Variants in DIP2C observed in about 807,000 individuals in gnomAD.
DIP2C encodes the protein disco-interacting protein 2 homolog C.
A neutral mutation model predicts 192.4 loss-of-function variants in DIP2C; 33 were observed. The ratio of observed to expected loss-of-function variants is 0.17; its 90% confidence interval spans 0.13 to 0.23. The LOEUF (loss-of-function observed/expected upper bound fraction) is 0.23, where lower values mean the gene tolerates loss of function less well. DIP2C is among the 10% of genes least tolerant of loss of function. The pLI, the probability that DIP2C is intolerant of heterozygous loss-of-function variation, is 1.00. For synonymous variants in DIP2C, 979 were observed against 864.1 expected, an observed-to-expected ratio of 1.13 and a Z score of -2.33; for missense variants, 1,537 against 2,110.1, an observed-to-expected ratio of 0.73 and a Z score of 5.32.
intron 1 of DIP2C, among the ~76,000 whole-genome samples, chr10:494,541 C>G (rs140265143): frequency 3.6e-4 from 55 of 152,232 alleles, no homozygotes; most frequent in African/African-American, 1.2e-3. Context: ...TACCAAGAGT[C>G]AAAGCAATCC....
At position 649,619 on chromosome 10, in the gene DIP2C, G is replaced by A. The variant is rs1404124635; in HGVS notation, c.85+39875C>T. The stretch of plus-strand genomic sequence containing the variant: ...ATTCTAAGACTCAGGGTTTTGTCAC[G>A]TTACAGCAAATGCCATTCATTGGGG... On this transcript the variant is annotated intron_variant, in intron 1 of 36. Transcript: ENST00000280886. Among the ~76,000 whole-genome samples the A allele has an allele frequency of 7.2e-5, 11 of 152,152 alleles. No homozygotes were observed. The East Asian group carries it at 7.7e-4, about 11-fold the overall frequency.
At chr10:629,706 G>A (rs962757202) in intron 1 of DIP2C, among the ~76,000 whole-genome samples, 1 of 152,224 alleles carries the variant, frequency 6.6e-6, no homozygotes, top group Non-Finnish European at 1.5e-5. Flanking sequence ...CGCTCTCAGG[G>A]TGGAGACCGC....
chr10:621,754 G>A (rs945076235), intron 1 of DIP2C, among the ~76,000 whole-genome samples: 2 of 152,296 alleles, frequency 1.3e-5, no homozygotes, highest in African/African-American at 2.4e-5. Flanking sequence ...ACAAAAGACG[G>A]CAGGAGCTCA....
At chr10:319,414 T>A (rs1204137261) in intron 31 of DIP2C, among the ~76,000 whole-genome samples, 1 of 152,244 alleles carries the variant, frequency 6.6e-6, no homozygotes, top group Non-Finnish European at 1.5e-5. Flanking sequence ...TGTTTATGTT[T>A]TTTTCCTAAT....
intron 29 of DIP2C, among the ~76,000 whole-genome samples, chr10:332,755 T>C (rs533072213): frequency 2.8e-4 from 42 of 152,314 alleles, no homozygotes; most frequent in South Asian, 1.0e-3. Context: ...TGACAAAATA[T>C]ACCAACAACT....
intron 31 of DIP2C, among the ~76,000 whole-genome samples, chr10:313,071 G>A (rs1956629163): frequency 6.6e-6 from 1 of 152,172 alleles, no homozygotes; most frequent in South Asian, 2.1e-4. Context: ...AGGAGATAAA[G>A]AGGTAAGATA....
intron 2 of DIP2C, among the ~76,000 whole-genome samples, chr10:483,744 C>T (rs1037152638): frequency 1.3e-5 from 2 of 152,264 alleles, no homozygotes; most frequent in Non-Finnish European, 2.9e-5. Flanking sequence ...GGCCAGGAGG[C>T]GAGGCGGGGT....
At chr10:320,912 C>T (rs980648652) in intron 31 of DIP2C, among the ~76,000 whole-genome samples, 13 of 152,258 alleles carry the variant, frequency 8.5e-5, no homozygotes, top group South Asian at 6.2e-4. Flanking sequence ...AAGAGAGCAC[C>T]GCAGCTGACA....
At chr10:455,351 A>C (rs1206643684) in intron 3 of DIP2C, among the ~76,000 whole-genome samples, 1 of 131,986 alleles carries the variant, frequency 7.6e-6, no homozygotes, top group Non-Finnish European at 1.7e-5. Context: ...ATGAGATGAA[A>C]ACACTGCAGT....
At chr10:649,638 A>T (rs1465894537) in intron 1 of DIP2C, among the ~76,000 whole-genome samples, 4 of 152,246 alleles carry the variant, frequency 2.6e-5, no homozygotes, top group Non-Finnish European at 4.4e-5. Flanking sequence ...AATGCCATTC[A>T]TTGGGGGAAG....
intron 1 of DIP2C, among the ~76,000 whole-genome samples, chr10:530,083 G>T (rs747369800): frequency 6.6e-5 from 10 of 152,240 alleles, no homozygotes; most frequent in African/African-American, 2.4e-4. Context: ...GAGTCTCCAC[G>T]CCTGCCGCCG....
chr10:633,420 C>T (rs992134509), intron 1 of DIP2C, among the ~76,000 whole-genome samples: 3 of 151,894 alleles, frequency 2.0e-5, no homozygotes, highest in Non-Finnish European at 4.4e-5. Flanking sequence ...GAGTCCGAGG[C>T]GGTGCTGCAG....
intron 1 of DIP2C, among the ~76,000 whole-genome samples, chr10:541,528 A>C (rs59771674): frequency 1.6e-5 from 2 of 122,874 alleles, no homozygotes; most frequent in Non-Finnish European, 3.4e-5. Flanking sequence ...GACCACACCC[A>C]TCTCTCCTCG....
chr10:476,303 C>T (rs775213707), intron 2 of DIP2C, among the ~76,000 whole-genome samples: 29 of 152,174 alleles, frequency 1.9e-4, no homozygotes, highest in African/African-American at 2.9e-4. Flanking sequence ...AGCTCAGATC[C>T]GGTCCTCCGG....
At position 274,258 on chromosome 10, in the gene DIP2C, A is replaced by T. The variant is rs1438511296; in HGVS notation, c.*3067T>A. 2.0e-5 allele frequency: 3 copies of T among 152,232 alleles called. No homozygotes were observed. The highest frequency in any genetic ancestry group is 6.5e-5 in the Admixed American group (1 of 15,292). 9.4% of individuals were successfully genotyped at this position (152,232 alleles called of 1,614,324 possible). A position where few individuals can be genotyped will look rare whatever the true frequency, so the allele number is the denominator to read the frequency against. ...AATTAAAAAAAACATTTCACAAAACATTTGTTGCCATAGGAATTATTTTTA... is the reference window on the plus strand; with the variant it reads ...AATTAAAAAAAACATTTCACAAAACTTTTGTTGCCATAGGAATTATTTTTA... On this transcript the variant is annotated 3_prime_UTR_variant, in exon 37 of 37. Transcript: ENST00000280886.
intron 1 of DIP2C, among the ~76,000 whole-genome samples, chr10:613,375 G>A (rs1185366028): frequency 6.6e-6 from 1 of 152,174 alleles, no homozygotes; most frequent in Non-Finnish European, 1.5e-5. Flanking sequence ...CTGCATCTGA[G>A]CTGAGATGTG....
At chr10:356,381 GC>G (rs755868666) in intron 24 of DIP2C, 44 bp downstream of exon 24, 1 of 1,601,594 alleles carries the variant, frequency 6.2e-7, no homozygotes, top group Non-Finnish European at 8.5e-7. Flanking sequence ...ACCAGGCTAG[GC>G]CCCTTGAGGC....
Position 599,613 on chromosome 10 carries a change from G to A in DIP2C, c.85+89881C>T, listed in dbSNP as rs369385251. On this transcript the variant is annotated intron_variant, in intron 1 of 36. Transcript: ENST00000280886. ...ATGTTAACCTGAAAAGGGCAAAATC[G>A]CAGAGGCTGGAGGGACCTTCCAGGT... Among the ~76,000 whole-genome samples, 43 of 152,282 alleles carry A rather than the reference G, an allele frequency of 2.8e-4. 1 individual carries two copies. In the East Asian group the frequency reaches 5.2e-3, roughly 18 times the overall value.
At chr10:563,513 C>G (rs1849319130) in intron 1 of DIP2C, among the ~76,000 whole-genome samples, 1 of 152,212 alleles carries the variant, frequency 6.6e-6, no homozygotes, top group South Asian at 2.1e-4. Context: ...TGTACGTCAA[C>G]ATCCCAAACT....
Sources: gnomAD v4.1 joint callset for allele counts (sites outside exome capture counted in the v4.1 genomes callset) on GRCh38, gnomAD v4.1.1 for gene constraint, MANE v1.5 for transcripts, NCBI Gene and HGNC (gene_info 2026-07-23, HGNC 2026-07-21) for gene names.